The following SLC35F1 variants were observed in gnomAD, a reference collection of about 807,000 sequenced individuals.
SLC35F1 encodes solute carrier family 35 member F1, also known as chromosome 6 open reading frame 169.
SLC35F1 carries 14 observed loss-of-function variants against 48.7 expected under a neutral mutation model. The ratio of observed to expected loss-of-function variants is 0.29; its 90% CI spans 0.19 to 0.45. The LOEUF is 0.45. Among genes scored for constraint, SLC35F1 ranks in the 20% least tolerant of loss-of-function variants. The pLI, the probability that SLC35F1 is intolerant of heterozygous loss-of-function variation, is 1.00. For missense variants in SLC35F1, 404 were observed against 500.0 expected (o/e 0.81, Z 1.83); for synonymous variants, 190 against 202.2 (o/e 0.94, Z 0.51).
chr6:118,241,403 AATGTATATAT>A (rs1206638433), intron 3 of SLC35F1, among the ~76,000 whole-genome samples: 1 of 152,190 alleles, frequency 6.6e-6, no homozygotes. Flanking sequence ...TTGAGAGGAA[AATGTATATAT>A]ATTGCTGCAA....
chr6:118,114,717 T>C (rs1359151065), intron 1 of SLC35F1, among the ~76,000 whole-genome samples: 1 of 152,174 alleles, frequency 6.6e-6, no homozygotes, highest in East Asian at 1.9e-4. Flanking sequence ...TTTTAGAAAC[T>C]CTTTCAACTC....
At chr6:117,958,488 G>T (rs1776455404) in intron 1 of SLC35F1, among the ~76,000 whole-genome samples, 1 of 152,112 alleles carries the variant, frequency 6.6e-6, no homozygotes, top group Admixed American at 6.5e-5. Flanking sequence ...ATTCATGGTA[G>T]GTTCCCTGTA....
intron 1 of SLC35F1, among the ~76,000 whole-genome samples, chr6:117,971,807 C>T (rs1236274891): frequency 1.3e-5 from 2 of 152,202 alleles, no homozygotes; most frequent in African/African-American, 4.8e-5. Context: ...ATGTCTGGGG[C>T]TACATAGAGG....
intron 5 of SLC35F1, 68 bp from the exon 6 acceptor site, chr6:118,277,426 A>G: frequency 2.9e-6 from 4 of 1,395,720 alleles, no homozygotes; most frequent in Admixed American, 1.7e-5. Flanking sequence ...TGGGGGGGAA[A>G]AAAGAAAGAA....
intron 1 of SLC35F1, among the ~76,000 whole-genome samples, chr6:118,109,896 C>T (rs1316421047): frequency 9.2e-5 from 14 of 152,238 alleles, no homozygotes; most frequent in African/African-American, 2.2e-4. Context: ...TTTCATTCAG[C>T]GCATAATTAT....
chr6:118,015,359 T>C (rs1439278852), intron 1 of SLC35F1, among the ~76,000 whole-genome samples: 1 of 152,054 alleles, frequency 6.6e-6, no homozygotes, highest in Non-Finnish European at 1.5e-5. Context: ...ACTTGTGTCA[T>C]GAGGGTTTGT....
chr6:118,218,511 G>C (rs766469274), intron 2 of SLC35F1, among the ~76,000 whole-genome samples: 2 of 152,178 alleles, frequency 1.3e-5, no homozygotes, highest in African/African-American at 2.4e-5. Flanking sequence ...TTACTTTGAA[G>C]AATAGCTTGA....
chr6:118,172,300 G>A (rs1582710313), intron 2 of SLC35F1, among the ~76,000 whole-genome samples: 1 of 152,140 alleles, frequency 6.6e-6, no homozygotes, highest in Admixed American at 6.6e-5. Flanking sequence ...GAGACATAGA[G>A]GAATTTTAGC....
chr6:118,255,483 T>C (rs1775630504), intron 3 of SLC35F1, among the ~76,000 whole-genome samples: 1 of 152,180 alleles, frequency 6.6e-6, no homozygotes. Context: ...CGAAGGCAGA[T>C]TTCCCCGCAA....
intron 2 of SLC35F1, among the ~76,000 whole-genome samples, chr6:118,167,040 C>T (rs1056844773): frequency 1.3e-5 from 2 of 152,252 alleles, no homozygotes; most frequent in East Asian, 1.9e-4. Flanking sequence ...TGAATTCACT[C>T]GTTCATTACT....
chr6:118,131,663 C>T (rs1773714044), intron 1 of SLC35F1, among the ~76,000 whole-genome samples: 1 of 152,014 alleles, frequency 6.6e-6, no homozygotes, highest in East Asian at 1.9e-4. Context: ...AACATAGGTG[C>T]TCTCACTTTT....
intron 6 of SLC35F1, among the ~76,000 whole-genome samples, chr6:118,281,204 C>CTCTATATATATATA (rs367855949): frequency 1.5e-5 from 2 of 130,486 alleles, no homozygotes; most frequent in African/African-American, 5.8e-5. Context: ...CTCTCTCTCT[C>CTCTATATATATATA]TATATATATA....
At chr6:118,150,131 T>A (rs1342821546) in intron 1 of SLC35F1, among the ~76,000 whole-genome samples, 1 of 152,210 alleles carries the variant, frequency 6.6e-6, no homozygotes, top group Non-Finnish European at 1.5e-5. Context: ...AACTTATCTA[T>A]AAAATCGAAC....
At chr6:118,065,787 A>C (rs1426008540) in intron 1 of SLC35F1, among the ~76,000 whole-genome samples, 2 of 152,202 alleles carry the variant, frequency 1.3e-5, no homozygotes, top group African/African-American at 2.4e-5. Context: ...TAGATTAGTA[A>C]AATTATGCTG....
At chr6:117,960,628 C>A (rs950491459) in intron 1 of SLC35F1, among the ~76,000 whole-genome samples, 7 of 151,978 alleles carry the variant, frequency 4.6e-5, no homozygotes, top group African/African-American at 1.7e-4. Context: ...GAAAGAAAAG[C>A]GATTTATCTG....
chr6:118,197,263 T>C (rs1200495094), intron 2 of SLC35F1, among the ~76,000 whole-genome samples: 2 of 151,922 alleles, frequency 1.3e-5, no homozygotes, highest in Non-Finnish European at 2.9e-5. Context: ...CTATCCTTCC[T>C]TTCTATTTCT....
At chr6:118,084,858 G>C (rs535012834) in intron 1 of SLC35F1, among the ~76,000 whole-genome samples, 2 of 152,222 alleles carry the variant, frequency 1.3e-5, no homozygotes, top group African/African-American at 2.4e-5. Flanking sequence ...TCAGCAACCT[G>C]TCTGGTGGGG....
chr6:118,011,336 A>C (rs748612658), intron 1 of SLC35F1, among the ~76,000 whole-genome samples: 3 of 152,194 alleles, frequency 2.0e-5, no homozygotes, highest in Non-Finnish European at 4.4e-5. Flanking sequence ...ACTTACAATC[A>C]TGGAGGAAGG....
chr6:118,148,131 T>C (rs116478346), intron 1 of SLC35F1, among the ~76,000 whole-genome samples: 1 of 152,342 alleles, frequency 6.6e-6, no homozygotes, highest in African/African-American at 2.4e-5. Flanking sequence ...GTGTTCATTA[T>C]GTATGCATGT....
Sources: allele counts gnomAD v4.1 joint callset (sites outside exome capture counted in the v4.1 genomes callset), GRCh38; gene constraint gnomAD v4.1.1; transcripts MANE v1.5; gene names NCBI Gene and HGNC (gene_info 2026-07-23, HGNC 2026-07-21).